The following AKAP6 variants were observed in gnomAD, a reference collection of about 807,000 sequenced individuals.
The protein encoded by AKAP6 is A-kinase anchoring protein 6.
AKAP6 carries 58 observed loss-of-function variants against 188.5 expected under a neutral mutation model. That is an observed-to-expected ratio of 0.31 (90% CI 0.25 to 0.38). The LOEUF (loss-of-function observed/expected upper bound fraction) is 0.38, where lower values mean the gene tolerates loss of function less well. AKAP6 is among the 10% of genes least tolerant of loss of function. AKAP6 has a pLI of 1.00. For missense variants in AKAP6, 2,710 were observed against 2,740.0 expected (o/e 0.99, Z 0.24); for synonymous variants, 989 against 998.6 (o/e 0.99, Z 0.18).
At chr14:32,576,828 T>G (rs1327729431) in intron 4 of AKAP6, among the ~76,000 whole-genome samples, 14 of 152,120 alleles carry the variant, frequency 9.2e-5, no homozygotes, top group Non-Finnish European at 5.9e-5. Context: ...TTTGATGTTT[T>G]GAGGTCACCC....
At chr14:32,553,461 C>T (rs1210357329) in intron 4 of AKAP6, among the ~76,000 whole-genome samples, 1 of 152,016 alleles carries the variant, frequency 6.6e-6, no homozygotes, top group Admixed American at 6.5e-5. Context: ...CGTGAGCCAC[C>T]GCGCCTGGCC....
intron 11 of AKAP6, among the ~76,000 whole-genome samples, chr14:32,760,279 A>G (rs913066490): frequency 1.3e-5 from 2 of 152,236 alleles, no homozygotes; most frequent in African/African-American, 4.8e-5. Flanking sequence ...GTATTTTATA[A>G]TTATTTTTTA....
chr14:32,463,446 T>C (rs1891422035), intron 2 of AKAP6, among the ~76,000 whole-genome samples: 1 of 152,192 alleles, frequency 6.6e-6, no homozygotes, highest in East Asian at 1.9e-4. Flanking sequence ...ATTAAGAATC[T>C]CACTCAAAAC....
intron 9 of AKAP6, among the ~76,000 whole-genome samples, chr14:32,719,277 A>G (rs575467542): frequency 2.0e-5 from 3 of 152,332 alleles, no homozygotes; most frequent in East Asian, 1.9e-4. Context: ...CTACCATCGC[A>G]TGGTAAATTC....
chr14:32,644,980 C>A (rs1018721635), intron 7 of AKAP6, among the ~76,000 whole-genome samples: 2 of 152,168 alleles, frequency 1.3e-5, no homozygotes, highest in Admixed American at 6.5e-5. Context: ...ACTGAAGTTA[C>A]AAGCCAGTCC....
intron 3 of AKAP6, among the ~76,000 whole-genome samples, chr14:32,538,145 A>T (rs1283939544): frequency 6.6e-6 from 1 of 152,182 alleles, no homozygotes; most frequent in East Asian, 1.9e-4. Context: ...TAGATTTCTG[A>T]TCCTTTATTT....
chr14:32,785,029 A>G (rs1009751242), intron 12 of AKAP6, among the ~76,000 whole-genome samples: 11 of 145,252 alleles, frequency 7.6e-5, no homozygotes, highest in Non-Finnish European at 1.5e-4. Context: ...TTTTCTATTC[A>G]TTAGTCAGTT....
At chr14:32,380,738 G>A (rs967872646) in intron 1 of AKAP6, among the ~76,000 whole-genome samples, 2 of 152,134 alleles carry the variant, frequency 1.3e-5, no homozygotes, top group African/African-American at 4.8e-5. Flanking sequence ...AGAATTATTT[G>A]CTGCTAGAGT....
At chr14:32,442,969 G>A (rs1029933976) in intron 2 of AKAP6, among the ~76,000 whole-genome samples, 9 of 152,174 alleles carry the variant, frequency 5.9e-5, no homozygotes, top group Non-Finnish European at 8.8e-5. Flanking sequence ...TAACATGGAG[G>A]TGAGTGGAAC....
At chr14:32,690,738 T>C (rs1401687234) in intron 8 of AKAP6, among the ~76,000 whole-genome samples, 3 of 152,204 alleles carry the variant, frequency 2.0e-5, no homozygotes, top group Non-Finnish European at 4.4e-5. Flanking sequence ...AATACATTTA[T>C]AGTTCTATAT....
chr14:32,630,131 T>C (rs1887205855), intron 7 of AKAP6, among the ~76,000 whole-genome samples: 10 of 152,120 alleles, frequency 6.6e-5, no homozygotes, highest in Admixed American at 6.6e-4. Context: ...CCTCTTCTTG[T>C]TCCCATTAAA....
chr14:32,443,942 C>G (rs889704609), intron 2 of AKAP6, among the ~76,000 whole-genome samples: 6 of 151,972 alleles, frequency 3.9e-5, no homozygotes, highest in African/African-American at 1.5e-4. Context: ...TTTGTATAGG[C>G]AAAGGTGTTT....
chr14:32,753,670 C>T (rs1424033210), intron 11 of AKAP6, among the ~76,000 whole-genome samples: 3 of 152,142 alleles, frequency 2.0e-5, no homozygotes, highest in African/African-American at 7.2e-5. Context: ...ACTTTTAAGT[C>T]TTTAATCCAT....
intron 4 of AKAP6, among the ~76,000 whole-genome samples, chr14:32,560,754 A>G (rs1228994937): frequency 6.6e-6 from 1 of 152,230 alleles, no homozygotes; most frequent in African/African-American, 2.4e-5. Context: ...TTCAACTAAA[A>G]TGATTCTTGG....
chr14:32,425,113 G>A (rs1889986198), intron 1 of AKAP6, among the ~76,000 whole-genome samples: 1 of 152,144 alleles, frequency 6.6e-6, no homozygotes, highest in Non-Finnish European at 1.5e-5. Flanking sequence ...CACCAACAGT[G>A]TATAAGTGTT....
chr14:32,634,805 G>A (rs575952916), intron 7 of AKAP6, among the ~76,000 whole-genome samples: 4 of 151,954 alleles, frequency 2.6e-5, no homozygotes, highest in Non-Finnish European at 5.9e-5. Flanking sequence ...AAAGAATCCT[G>A]TAGTTATAAC....
chr14:32,394,486 G>T (rs1267158524), intron 1 of AKAP6, among the ~76,000 whole-genome samples: 1 of 152,068 alleles, frequency 6.6e-6, no homozygotes, highest in Non-Finnish European at 1.5e-5. Flanking sequence ...GTCTCAAAAA[G>T]AATAAAATAA....
rs1224431842 is a variant in AKAP6, at chr14:32,822,197, C to T, written c.4384C>T (p.His1462Tyr). The change falls in exon 13 of 14, where the codon CAT becomes TAT. Residue 1462 changes from histidine to tyrosine, a missense_variant. Physicochemically the swap from His to Tyr is moderately conservative, Grantham distance 83. This residue lies in a region of AKAP6 where 2,473 missense variants were observed against 2,426.1 expected (regional missense o/e 1.02). Transcript: ENST00000280979. ...DCLGEELQGK[H>Y]DVFTFYDYSY... is the part of the protein sequence containing the mutation. ...TTTGGGAGAAGAATTACAAGGAAAA[C>T]ATGATGTGTTTACATTTTATGATTA... The T allele has an allele frequency of 6.2e-7, 1 of 1,613,702 alleles. No homozygotes were observed.
chr14:32,574,333 C>G (rs1000128320), intron 4 of AKAP6, among the ~76,000 whole-genome samples: 2 of 152,108 alleles, frequency 1.3e-5, no homozygotes, highest in Admixed American at 6.6e-5. Flanking sequence ...TATCAGACAG[C>G]CTTGTTTTGC....
Sources: allele counts gnomAD v4.1 joint callset (sites outside exome capture counted in the v4.1 genomes callset), GRCh38; gene constraint gnomAD v4.1.1; regional missense constraint gnomAD v4.1.1; transcripts MANE v1.5; gene names NCBI Gene and HGNC (gene_info 2026-07-23, HGNC 2026-07-21).